Variants in C5orf22 observed in about 807,000 individuals in gnomAD.
C5orf22 encodes the protein UPF0489 protein C5orf22.
In C5orf22, 36 loss-of-function variants were observed where a neutral mutation model predicts 48.7. The observed-to-expected ratio is 0.74, with a 90% CI of 0.57 to 0.98. The LOEUF (loss-of-function observed/expected upper bound fraction) is 0.98. Ranked by LOEUF, C5orf22 falls within the 50% of genes least tolerant of loss-of-function variation. The pLI is 0.00. For missense variants in C5orf22, 486 were observed against 521.9 expected (o/e 0.93, Z 0.67); for synonymous variants, 141 against 180.8 (o/e 0.78, Z 1.76).
chr5:31,547,142 T>G (rs1742938267), intron 7 of C5orf22, among the ~76,000 whole-genome samples: 1 of 152,238 alleles, frequency 6.6e-6, no homozygotes, highest in Non-Finnish European at 1.5e-5. Flanking sequence ...GCAGTGCAAG[T>G]CTGAAGTCCA....
chr5:31,534,185 T>G, intron 1 of C5orf22, 87 bp from the exon 2 acceptor site: 1 of 1,136,926 alleles, frequency 8.8e-7, no homozygotes, highest in Non-Finnish European at 1.3e-6. Context: ...ATTATGTGCA[T>G]TATTTAGCAT....
At chr5:31,547,299 T>C (rs1742954851) in intron 7 of C5orf22, among the ~76,000 whole-genome samples, 1 of 152,268 alleles carries the variant, frequency 6.6e-6, no homozygotes, top group Non-Finnish European at 1.5e-5. Context: ...CCCTCCTGGC[T>C]GTTTTCATGA....
In C5orf22 at chr5:31,533,301, A is replaced by G. The variant is rs533007296; in HGVS notation, c.81+828A>G. ...AAATTTAACACGGTGCCCTGCATAG[A>G]TAAACACTAAAAGGGGTTTCCATGT... On this transcript the variant is annotated intron_variant, in intron 1 of 8. Transcript: ENST00000325366. Among the ~76,000 whole-genome samples, 6 of 152,264 alleles carry G rather than the reference A, an allele frequency of 3.9e-5. No homozygotes were observed. The South Asian group carries it at 6.2e-4, about 16-fold the overall frequency.
intron 2 of C5orf22, chr5:31,534,639 C>G: frequency 2.0e-6 from 1 of 505,500 alleles, no homozygotes; most frequent in Non-Finnish European, 3.5e-6. Context: ...TCTGTTGCAA[C>G]TATTAATCTT....
At position 31,552,872 on chromosome 5, in the gene C5orf22, A is replaced by G. The variant is rs1399684538; in HGVS notation, c.1299A>G (p.Gln433=). 6.2e-7 allele frequency: 1 copy of G among 1,613,870 alleles called. No individual in the cohort carries two copies. Residue 433 remains glutamine (Q), a synonymous_variant, in exon 9 of 9, where the codon CAA becomes CAG. Transcript: ENST00000325366. ...LRALYGNLDL[Q]VYAAESPPS is the part of the protein sequence containing the mutation. Reference sequence around the variant, plus strand: ...CCCTCTATGGAAATCTAGACCTCCAAGTGTATGCAGCAGAGTCTCCTCCAT... The same window carrying G: ...CCCTCTATGGAAATCTAGACCTCCAGGTGTATGCAGCAGAGTCTCCTCCAT...
In C5orf22 at chr5:31,538,468, G is replaced by A. The variant is rs1742251313; in HGVS notation, c.586G>A (p.Asp196Asn). 17 of 1,614,194 alleles carry A rather than the reference G, an allele frequency of 1.1e-5. No individual in the cohort carries two copies. The highest frequency in any genetic ancestry group is 1.4e-5 in the Non-Finnish European group (17 of 1,180,038). The stretch of plus-strand genomic sequence containing the variant: ...GGAAAACACTGCCTCTACTAACTGT[G>A]ACTCTTCTTCAGAAGGACTGGAAAA... ...DSENTASTNC[D>N]SSSEGLEKDT... The change falls in exon 4 of 9, where the codon GAC becomes AAC. Residue 196 changes from aspartate (D) to asparagine (N), a missense_variant. Physicochemically the swap from Asp to Asn is conservative, Grantham distance 23. This residue lies in a region of C5orf22 where 408 missense variants were observed against 444.0 expected (regional missense o/e 0.92). Transcript: ENST00000325366.
rs1192026831 is a variant in C5orf22 at position 31,552,922 on chromosome 5, T to C, written c.*20T>C. The C allele has an allele frequency of 6.2e-7, 1 of 1,610,784 alleles. No individual in the cohort carries two copies. Among genetic ancestry groups the C allele is most frequent in the Non-Finnish European group, 8.5e-7 (1 of 1,178,230 alleles). ...TCTTGAAACAAACAAAACATTAGGC[T>C]CCTGTTGTATCTTGGTTTAGTAACA... On this transcript the variant is annotated 3_prime_UTR_variant, in exon 9 of 9. Transcript: ENST00000325366.
intron 7 of C5orf22, among the ~76,000 whole-genome samples, chr5:31,550,341 C>T (rs556616218): frequency 6.6e-6 from 1 of 152,256 alleles, no homozygotes; most frequent in African/African-American, 2.4e-5. Flanking sequence ...TAGTGTAGTG[C>T]TAAGACTAGA....
At chr5:31,540,883 A>G (rs1305579956) in intron 4 of C5orf22, 66 bp from the exon 5 acceptor site, 5 of 1,139,724 alleles carry the variant, frequency 4.4e-6, no homozygotes, top group Non-Finnish European at 6.6e-6. Flanking sequence ...TCTTCCTTAA[A>G]GCATATCATT....
intron 7 of C5orf22, among the ~76,000 whole-genome samples, chr5:31,549,616 C>A (rs1209609980): frequency 1.3e-5 from 2 of 152,138 alleles, no homozygotes; most frequent in Non-Finnish European, 2.9e-5. Context: ...TGGCTCATAC[C>A]TGTAATCCCA....
intron 7 of C5orf22, chr5:31,548,773 A>G (rs1186680923): frequency 1.0e-5 from 3 of 290,642 alleles, no homozygotes; most frequent in Non-Finnish European, 2.0e-5. Context: ...CATACCCAAG[A>G]CTGGGCAATT....
At chr5:31,545,814 TC>T (rs1742846320) in intron 7 of C5orf22, 102 bp downstream of exon 7, 1 of 699,128 alleles carries the variant, frequency 1.4e-6, no homozygotes, top group African/African-American at 1.8e-5. Flanking sequence ...TTGTTTGTGT[TC>T]CTGTGAAGTC....
intron 2 of C5orf22, chr5:31,535,039 C>T (rs764138525): frequency 6.6e-6 from 3 of 452,150 alleles, no homozygotes; most frequent in Admixed American, 2.4e-5. Flanking sequence ...GATGAAGATT[C>T]AGGCTTTCAC....
At chr5:31,551,827 T>C (rs1743285594) in intron 8 of C5orf22, among the ~76,000 whole-genome samples, 1 of 152,176 alleles carries the variant, frequency 6.6e-6, no homozygotes, top group African/African-American at 2.4e-5. Context: ...ATATAATAAA[T>C]TAGTGTTGCT....
intron 7 of C5orf22, chr5:31,548,749 G>A (rs960052883): frequency 4.5e-5 from 14 of 313,028 alleles, no homozygotes; most frequent in Admixed American, 3.8e-4. Flanking sequence ...CTGTTTTCAC[G>A]CTGCTGATAA....
At chr5:31,540,702 C>T (rs997347455) in intron 4 of C5orf22, 12 of 405,950 alleles carry the variant, frequency 3.0e-5, no homozygotes, top group African/African-American at 2.4e-4. Context: ...GTACCATGCC[C>T]AGCTGGATAG....
At position 31,553,179 on chromosome 5, in the gene C5orf22, T is replaced by C. The variant is rs1743400320; in HGVS notation, c.*277T>C. On this transcript the variant is annotated 3_prime_UTR_variant, in exon 9 of 9. Transcript: ENST00000325366. ...TTTTTTTTTTTGTTTGTTTGTTTGT[T>C]TGTCTTCACTTTTCCCCCAGGTCTG... 2 of 284,518 alleles carry C rather than the reference T, an allele frequency of 7.0e-6. No homozygotes were observed. The highest frequency in any genetic ancestry group is 1.2e-3 in the Middle Eastern group (1 of 830). The allele number at this position is 284,518 out of a possible 1,614,324, so 17.6% of individuals were successfully genotyped here.
intron 7 of C5orf22, among the ~76,000 whole-genome samples, chr5:31,550,312 T>A (rs1743172476): frequency 1.3e-5 from 2 of 152,226 alleles, no homozygotes; most frequent in Non-Finnish European, 2.9e-5. Flanking sequence ...GTGAGCCACT[T>A]CTAACTTTCA....
chr5:31,547,522 CT>C (rs1742971591), intron 7 of C5orf22, among the ~76,000 whole-genome samples: 1 of 152,260 alleles, frequency 6.6e-6, no homozygotes, highest in South Asian at 2.1e-4. Context: ...CTGCAGCAAA[CT>C]TCTGCCTGGG....
Sources: allele counts gnomAD v4.1 joint callset (sites outside exome capture counted in the v4.1 genomes callset), GRCh38; gene constraint gnomAD v4.1.1; regional missense constraint gnomAD v4.1.1; transcripts MANE v1.5; gene names NCBI Gene and HGNC (gene_info 2026-07-23, HGNC 2026-07-21).